Variants in RAPH1 observed in about 807,000 individuals in gnomAD.
The protein encoded by RAPH1 is Ras association (RalGDS/AF-6) and pleckstrin homology domains 1.
Under a neutral mutation model 88.1 loss-of-function variants are expected in RAPH1, and 18 were observed. The observed-to-expected ratio is 0.20, with a 90% CI of 0.14 to 0.30. The LOEUF is 0.30. Among genes scored for constraint, RAPH1 ranks in the 10% least tolerant of loss-of-function variants. The pLI, the probability that RAPH1 is intolerant of heterozygous loss-of-function variation, is 1.00. For missense variants in RAPH1, 1,448 were observed against 1,543.2 expected, an observed-to-expected ratio of 0.94 and a Z score of 1.03; for synonymous variants, 587 against 559.0, an observed-to-expected ratio of 1.05 and a Z score of -0.71.
chr2:203,464,951 C>A (rs148380422), intron 4 of RAPH1, among the ~76,000 whole-genome samples: 2,779 of 152,272 alleles, frequency 0.018, 92 homozygotes, highest in African/African-American at 0.063. Context: ...CCACTACACA[C>A]CTATCAGAAT....
At position 203,434,701 on chromosome 2, in the gene RAPH1, G is replaced by A. The variant is rs1414562169; in HGVS notation, c.*4736C>T. On this transcript the variant is annotated 3_prime_UTR_variant, in exon 14 of 14. Transcript: ENST00000319170. ...TCTCCCCCTTTAGTGCTGCAGACAA[G>A]TTTTACTGCCTAAGACGTTGAGGCT... 2 of 152,398 alleles carry A rather than the reference G, an allele frequency of 1.3e-5. No individual in the cohort carries two copies. The highest frequency in any genetic ancestry group is 4.8e-5 in the African/African-American group (2 of 41,440). The allele number at this position is 152,398 out of a possible 1,614,324, so 9.4% of individuals were successfully genotyped here.
At position 203,523,209 on chromosome 2, in the gene RAPH1, C is replaced by T. The variant is rs904804433; in HGVS notation, c.-1+11902G>A. 1.1e-4 allele frequency among the ~76,000 whole-genome samples: 16 copies of T among 151,716 alleles called. No homozygotes were observed. The East Asian group carries it at 1.2e-3, about 11-fold the overall frequency. Reference sequence around the variant, plus strand: ...GAGATCAAGACCATCCTGGTTAACACGGTTAAACCCCGTCTCTATTAAAAA... The same window carrying T: ...GAGATCAAGACCATCCTGGTTAACATGGTTAAACCCCGTCTCTATTAAAAA... On this transcript the variant is annotated intron_variant, in intron 1 of 13. Transcript: ENST00000319170.
intron 13 of RAPH1, chr2:203,443,758 T>C (rs1460170805): frequency 6.6e-6 from 1 of 151,976 alleles, no homozygotes; most frequent in Non-Finnish European, 1.5e-5. Context: ...GGCAGGAGGA[T>C]CGCTTGAGGC....
intron 1 of RAPH1, among the ~76,000 whole-genome samples, chr2:203,497,045 T>C (rs1038717555): frequency 2.6e-5 from 4 of 152,204 alleles, no homozygotes; most frequent in Non-Finnish European, 5.9e-5. Flanking sequence ...GCCAATGTGA[T>C]AGTATTAAGG....
At chr2:203,520,715 C>A (rs75993818) in intron 1 of RAPH1, among the ~76,000 whole-genome samples, 5,556 of 151,154 alleles carry the variant, frequency 0.037, 331 homozygotes, top group African/African-American at 0.13. Context: ...AAAAAAGAAA[C>A]CATCAGACTC....
intron 1 of RAPH1, among the ~76,000 whole-genome samples, chr2:203,503,001 G>A (rs895728926): frequency 1.3e-5 from 2 of 151,766 alleles, no homozygotes; most frequent in Non-Finnish European, 2.9e-5. Flanking sequence ...TTAGCTGGAT[G>A]TAGTGGCTGG....
At chr2:203,493,656 T>C (rs1447308185) in intron 2 of RAPH1, among the ~76,000 whole-genome samples, 9 of 152,112 alleles carry the variant, frequency 5.9e-5, no homozygotes, top group African/African-American at 2.2e-4. Flanking sequence ...ATGATACCTA[T>C]GAAATCCTAG....
chr2:203,525,655 T>C (rs1690080587), intron 1 of RAPH1, among the ~76,000 whole-genome samples: 1 of 152,098 alleles, frequency 6.6e-6, no homozygotes, highest in Non-Finnish European at 1.5e-5. Context: ...TGCACACCTG[T>C]AATCCCAGTT....
chr2:203,498,108 G>A (rs1047618047), intron 1 of RAPH1, among the ~76,000 whole-genome samples: 4 of 152,104 alleles, frequency 2.6e-5, no homozygotes, highest in Admixed American at 6.5e-5. Flanking sequence ...ATCCTAGGAG[G>A]AATTCTGTTT....
rs142031698 is a variant in RAPH1 at position 203,501,371 on chromosome 2, T to G, written c.1-6018A>C. Among the ~76,000 whole-genome samples, 531 of 152,338 alleles carry G rather than the reference T, an allele frequency of 3.5e-3. 1 individual carries two copies. The highest frequency in any genetic ancestry group is 6.1e-3 in the Non-Finnish European group (417 of 68,028). ...TCTCATTACCTACAACTACACTATT[T>G]TAAAACAAGACCTTTAGTTCTGCTG... On this transcript the variant is annotated intron_variant, in intron 1 of 13. Coordinates refer to ENST00000319170, the MANE Select transcript of RAPH1 (RefSeq NM_213589.3).
At chr2:203,502,596 C>T (rs181737963) in intron 1 of RAPH1, among the ~76,000 whole-genome samples, 2 of 152,110 alleles carry the variant, frequency 1.3e-5, no homozygotes, top group Admixed American at 6.5e-5. Flanking sequence ...CCGAGGCGGG[C>T]GGATCACGAG....
intron 10 of RAPH1, among the ~76,000 whole-genome samples, chr2:203,451,476 G>A (rs2098514875): frequency 6.6e-6 from 1 of 152,064 alleles, no homozygotes; most frequent in Non-Finnish European, 1.5e-5. Flanking sequence ...ATTAAAATGT[G>A]CCCCTTTGAA....
intron 13 of RAPH1, chr2:203,441,753 A>C: frequency 7.8e-7 from 1 of 1,284,964 alleles, no homozygotes; most frequent in Non-Finnish European, 9.8e-7. Context: ...AGCCTGCCCT[A>C]CATGGAACCC....
chr2:203,444,683 G>A (rs557326097), intron 13 of RAPH1, 185 bp downstream of exon 13: 3 of 457,652 alleles, frequency 6.6e-6, no homozygotes, highest in African/African-American at 6.0e-5. Flanking sequence ...TCATTTCCAA[G>A]GGGAAGTCAA....
chr2:203,444,725 A>G (rs1170376667), intron 13 of RAPH1, 143 bp downstream of exon 13: 2 of 694,092 alleles, frequency 2.9e-6, no homozygotes, highest in East Asian at 5.4e-5. Context: ...GTCTTTACCC[A>G]CTACAATTAG....
At chr2:203,532,168 G>A (rs1397274727) in intron 1 of RAPH1, among the ~76,000 whole-genome samples, 3 of 152,158 alleles carry the variant, frequency 2.0e-5, no homozygotes, top group Non-Finnish European at 2.9e-5. Flanking sequence ...TACTAGGAGG[G>A]TAGGGTAGAG....
At chr2:203,458,771 T>C (rs2098521905) in intron 7 of RAPH1, among the ~76,000 whole-genome samples, 2 of 118,238 alleles carry the variant, frequency 1.7e-5, no homozygotes, top group Admixed American at 7.8e-5. Context: ...TCTTTTTCTC[T>C]TTTTTTTTTT....
intron 13 of RAPH1, chr2:203,442,758 T>A (rs1282475784): frequency 6.6e-6 from 1 of 152,258 alleles, no homozygotes; most frequent in Non-Finnish European, 1.5e-5. Flanking sequence ...TCTGAAACTC[T>A]GTGCAATAAC....
chr2:203,450,333 T>C (rs1423310149), intron 10 of RAPH1, among the ~76,000 whole-genome samples: 4 of 152,212 alleles, frequency 2.6e-5, no homozygotes, highest in Admixed American at 6.5e-5. Context: ...TTGAAGGTTA[T>C]AGTCAGTTTT....
Sources: allele counts gnomAD v4.1 joint callset (sites outside exome capture counted in the v4.1 genomes callset), GRCh38; gene constraint gnomAD v4.1.1; transcripts MANE v1.5; gene names NCBI Gene and HGNC (gene_info 2026-07-23, HGNC 2026-07-21).